CDH2: variants seen among roughly 807,000 people sequenced by gnomAD.
CDH2 encodes the protein cadherin-2.
A neutral mutation model predicts 92.0 loss-of-function variants in CDH2; 17 were observed. The ratio of observed to expected loss-of-function variants is 0.18; its 90% CI spans 0.13 to 0.28. The LOEUF (loss-of-function observed/expected upper bound fraction) is 0.28. Among genes scored for constraint, CDH2 ranks in the 10% least tolerant of loss-of-function variants. The pLI, the probability that CDH2 is intolerant of heterozygous loss-of-function variation, is 1.00. For synonymous variants in CDH2, 419 were observed against 415.9 expected, an observed-to-expected ratio of 1.01 and a Z score of -0.09; for missense variants, 862 against 1,133.1, an observed-to-expected ratio of 0.76 and a Z score of 3.44.
intron 2 of CDH2, among the ~76,000 whole-genome samples, chr18:28,146,878 T>C (rs2016043899): frequency 1.3e-5 from 2 of 152,140 alleles, no homozygotes; most frequent in Admixed American, 6.6e-5. Flanking sequence ...AATCAATTCT[T>C]CTTGCTTTCA....
At chr18:27,996,814 G>C (rs2012598222) in intron 7 of CDH2, among the ~76,000 whole-genome samples, 2 of 152,126 alleles carry the variant, frequency 1.3e-5, no homozygotes, top group Non-Finnish European at 2.9e-5. Context: ...CTTGGGTTTT[G>C]CATGATCTTA....
intron 14 of CDH2, among the ~76,000 whole-genome samples, chr18:27,976,991 A>T (rs899630270): frequency 1.3e-5 from 2 of 152,218 alleles, no homozygotes; most frequent in Non-Finnish European, 2.9e-5. Flanking sequence ...AACTTGATAC[A>T]AAGATCATTG....
chr18:28,171,975 CAT>C (rs1448534266), intron 1 of CDH2, among the ~76,000 whole-genome samples: 3 of 152,080 alleles, frequency 2.0e-5, no homozygotes, highest in Non-Finnish European at 4.4e-5. Flanking sequence ...CCTTTCATGA[CAT>C]AAAGTAATCA....
chr18:28,107,399 T>A (rs897077721), intron 2 of CDH2, among the ~76,000 whole-genome samples: 2 of 152,024 alleles, frequency 1.3e-5, no homozygotes, highest in African/African-American at 4.8e-5. Context: ...CATATTAAAA[T>A]GGAAACTGTT....
intron 2 of CDH2, among the ~76,000 whole-genome samples, chr18:28,054,780 G>A (rs2014260103): frequency 6.6e-6 from 1 of 152,134 alleles, no homozygotes; most frequent in African/African-American, 2.4e-5. Flanking sequence ...GAAACTTTCA[G>A]CTGACTGAAA....
At chr18:28,083,157 T>C (rs1271034642) in intron 2 of CDH2, among the ~76,000 whole-genome samples, 1 of 152,108 alleles carries the variant, frequency 6.6e-6, no homozygotes, top group Non-Finnish European at 1.5e-5. Context: ...ATAGTATAAT[T>C]AAATAACTAA....
intron 2 of CDH2, among the ~76,000 whole-genome samples, chr18:28,025,890 G>A (rs1180377929): frequency 6.6e-6 from 1 of 151,882 alleles, no homozygotes; most frequent in African/African-American, 2.4e-5. Flanking sequence ...ATATTTTATT[G>A]TAAAAAGTCT....
chr18:28,169,664 T>C (rs754923234), intron 1 of CDH2, among the ~76,000 whole-genome samples: 2 of 152,228 alleles, frequency 1.3e-5, no homozygotes, highest in Non-Finnish European at 2.9e-5. Flanking sequence ...CTATCTAATT[T>C]TTAAATTATA....
chr18:28,065,008 C>G (rs1276779381), intron 2 of CDH2, among the ~76,000 whole-genome samples: 1 of 152,086 alleles, frequency 6.6e-6, no homozygotes, highest in Non-Finnish European at 1.5e-5. Context: ...TTCCCCAAAG[C>G]TGCTTACCAT....
chr18:28,147,624 T>C (rs1208277917), intron 2 of CDH2, 49 bp downstream of exon 2: 8 of 1,160,888 alleles, frequency 6.9e-6, no homozygotes, highest in Non-Finnish European at 7.6e-6. Context: ...GCTAATTTGT[T>C]TCATGAGCAT....
intron 2 of CDH2, among the ~76,000 whole-genome samples, chr18:28,113,149 G>A (rs2015439789): frequency 6.6e-6 from 1 of 152,036 alleles, no homozygotes; most frequent in African/African-American, 2.4e-5. Context: ...GGAAGTATGA[G>A]GTAAGCTGCA....
At chr18:27,992,109 C>T (rs1328635228) in intron 9 of CDH2, among the ~76,000 whole-genome samples, 1 of 152,174 alleles carries the variant, frequency 6.6e-6, no homozygotes, top group African/African-American at 2.4e-5. Flanking sequence ...TTCTAAAATG[C>T]AGGCTTTCTT....
chr18:28,046,459 CA>C (rs1446992159), intron 2 of CDH2, among the ~76,000 whole-genome samples: 1 of 151,944 alleles, frequency 6.6e-6, no homozygotes, highest in Non-Finnish European at 1.5e-5. Flanking sequence ...GTCAGAAACC[CA>C]AAAAGTAAGA....
intron 15 of CDH2, among the ~76,000 whole-genome samples, chr18:27,958,553 A>G (rs971071942): frequency 1.3e-5 from 2 of 149,756 alleles, no homozygotes; most frequent in Admixed American, 6.7e-5. Flanking sequence ...AAATACGTGT[A>G]TATTTATATA....
At chr18:28,088,641 C>T (rs2014981301) in intron 2 of CDH2, among the ~76,000 whole-genome samples, 1 of 152,074 alleles carries the variant, frequency 6.6e-6, no homozygotes, top group Non-Finnish European at 1.5e-5. Context: ...GAGCTAGGCA[C>T]CTCCCAAAGG....
intron 2 of CDH2, among the ~76,000 whole-genome samples, chr18:28,099,999 G>A (rs2015200751): frequency 6.6e-6 from 1 of 151,992 alleles, no homozygotes. Flanking sequence ...TTTCTATGAT[G>A]AGCATTCATC....
intron 2 of CDH2, among the ~76,000 whole-genome samples, chr18:28,018,142 C>T (rs1229557595): frequency 2.7e-5 from 4 of 150,206 alleles, no homozygotes; most frequent in African/African-American, 9.8e-5. Flanking sequence ...ATCAAGAACT[C>T]ACCCCCTTTT....
chr18:28,050,388 A>G (rs528944420), intron 2 of CDH2, among the ~76,000 whole-genome samples: 1 of 152,270 alleles, frequency 6.6e-6, no homozygotes, highest in African/African-American at 2.4e-5. Context: ...CACCCACATA[A>G]GTAGCTGCTG....
intron 2 of CDH2, among the ~76,000 whole-genome samples, chr18:28,091,330 C>T (rs530415862): frequency 6.6e-6 from 1 of 152,158 alleles, no homozygotes; most frequent in Admixed American, 6.6e-5. Context: ...AATGAAAACA[C>T]CCCCTGACAC....
Sources: gnomAD v4.1 joint callset for allele counts (sites outside exome capture counted in the v4.1 genomes callset) on GRCh38, gnomAD v4.1.1 for gene constraint, MANE v1.5 for transcripts, NCBI Gene and HGNC (gene_info 2026-07-23, HGNC 2026-07-21) for gene names.